Variants in LRMDA observed in about 807,000 individuals in gnomAD.
LRMDA encodes leucine rich melanocyte differentiation associated.
A neutral mutation model predicts 29.8 loss-of-function variants in LRMDA; 18 were observed. The observed-to-expected ratio is 0.60, with a 90% CI of 0.42 to 0.90. The LOEUF (loss-of-function observed/expected upper bound fraction) is 0.90. Among genes scored for constraint, LRMDA ranks in the 40% least tolerant of loss-of-function variants. LRMDA has a pLI of 0.00. For missense variants in LRMDA, 273 were observed against 273.9 expected (o/e 1.00, Z 0.02); for synonymous variants, 125 against 109.4 (o/e 1.14, Z -0.89).
intron 2 of LRMDA, among the ~76,000 whole-genome samples, chr10:75,631,303 A>G (rs915889958): frequency 4.6e-5 from 7 of 152,004 alleles, no homozygotes; most frequent in Non-Finnish European, 7.4e-5. Context: ...CACTGCAGCC[A>G]CCTGGAGAAA....
At chr10:75,892,690 C>G (rs376704828) in intron 2 of LRMDA, among the ~76,000 whole-genome samples, 1 of 152,172 alleles carries the variant, frequency 6.6e-6, no homozygotes, top group Non-Finnish European at 1.5e-5. Context: ...GCCTCTGGCA[C>G]CTGTGGCTGG....
Position 75,909,397 on chromosome 10 carries a change from C to T in LRMDA, c.132-126611C>T, listed in dbSNP as rs1305112688. Among the ~76,000 whole-genome samples, 6 of 152,304 alleles carry T rather than the reference C, an allele frequency of 3.9e-5. No individual in the cohort carries two copies. In the East Asian group the frequency reaches 7.7e-4, roughly 20 times the overall value. On this transcript the variant is annotated intron_variant, in intron 2 of 6. Coordinates refer to ENST00000611255, the MANE Select transcript of LRMDA (RefSeq NM_001305581.2). The stretch of plus-strand genomic sequence containing the variant: ...GAGCCTCTAGGCTCATGGAACCTCT[C>T]TCTGCATCCTCTTGGCCTGCTCTGA...
intron 2 of LRMDA, among the ~76,000 whole-genome samples, chr10:75,809,361 G>T (rs2132269748): frequency 6.6e-6 from 1 of 152,218 alleles, no homozygotes; most frequent in South Asian, 2.1e-4. Flanking sequence ...AAGCAGACAT[G>T]GGCCAGGTGC....
At chr10:76,408,561 A>G (rs575887820) in intron 6 of LRMDA, among the ~76,000 whole-genome samples, 3 of 152,338 alleles carry the variant, frequency 2.0e-5, no homozygotes, top group African/African-American at 7.2e-5. Context: ...GTGCCAGGGC[A>G]GAGATTGCTC....
intron 6 of LRMDA, among the ~76,000 whole-genome samples, chr10:76,360,285 G>A (rs1288739288): frequency 6.6e-6 from 1 of 152,158 alleles, no homozygotes; most frequent in Admixed American, 6.5e-5. Flanking sequence ...ACCATGCCCA[G>A]CCCTAGTGGC....
At chr10:75,453,110 C>T (rs1035825299) in intron 2 of LRMDA, among the ~76,000 whole-genome samples, 1 of 152,114 alleles carries the variant, frequency 6.6e-6, no homozygotes, top group African/African-American at 2.4e-5. Context: ...TCAGATGAGT[C>T]ATATATGCAG....
intron 2 of LRMDA, among the ~76,000 whole-genome samples, chr10:75,821,907 A>G (rs1373340420): frequency 2.6e-5 from 4 of 152,198 alleles, no homozygotes; most frequent in East Asian, 1.9e-4. Context: ...AGTTGAAAGC[A>G]TTCCTTCTAA....
chr10:75,883,366 G>A (rs555706210), intron 2 of LRMDA: 17 of 152,268 alleles, frequency 1.1e-4, no homozygotes, highest in African/African-American at 4.1e-4. Context: ...CAGGCTCTGG[G>A]TTAACATCTT....
At chr10:75,707,234 G>A (rs986856458) in intron 2 of LRMDA, among the ~76,000 whole-genome samples, 9 of 152,184 alleles carry the variant, frequency 5.9e-5, no homozygotes, top group African/African-American at 2.2e-4. Flanking sequence ...AGGCAGTGGA[G>A]GAACTAAGAT....
intron 2 of LRMDA, among the ~76,000 whole-genome samples, chr10:75,733,420 A>C (rs1842723171): frequency 6.6e-6 from 1 of 152,228 alleles, no homozygotes; most frequent in African/African-American, 2.4e-5. Context: ...CATATTTGTC[A>C]TGCTTATCTG....
chr10:75,555,530 A>T (rs1229642902), intron 2 of LRMDA, among the ~76,000 whole-genome samples: 1 of 152,176 alleles, frequency 6.6e-6, no homozygotes, highest in Non-Finnish European at 1.5e-5. Flanking sequence ...CACTGGCTAG[A>T]TAAGGCTGAA....
chr10:76,306,422 TG>T (rs1297149157), intron 5 of LRMDA, among the ~76,000 whole-genome samples: 1 of 152,150 alleles, frequency 6.6e-6, no homozygotes, highest in Non-Finnish European at 1.5e-5. Context: ...TTGGGTCTCT[TG>T]GGGGAAATGA....
intron 5 of LRMDA, among the ~76,000 whole-genome samples, chr10:76,149,360 G>A (rs1287544423): frequency 6.6e-6 from 1 of 152,216 alleles, no homozygotes; most frequent in Non-Finnish European, 1.5e-5. Flanking sequence ...GTCAGTGCCT[G>A]GTCCTAGCTC....
At chr10:75,692,464 CACACAT>C (rs1257512304) in intron 2 of LRMDA, among the ~76,000 whole-genome samples, 5 of 149,940 alleles carry the variant, frequency 3.3e-5, no homozygotes, top group East Asian at 2.0e-4. Flanking sequence ...CAAGTGTATA[CACACAT>C]ACACATACAC....
chr10:75,877,102 T>C (rs1289340979), intron 2 of LRMDA, among the ~76,000 whole-genome samples: 5 of 152,204 alleles, frequency 3.3e-5, no homozygotes, highest in African/African-American at 1.2e-4. Context: ...TTTCCCAGAG[T>C]GGTAGAGTTG....
Position 75,561,698 on chromosome 10 carries a change from T to G in LRMDA, c.131+123204T>G, listed in dbSNP as rs1840297626. ...TATAAATTTCCCTCTACACACTGCT[T>G]TGAATGTGTCCCAGAGATTCTGATA... On this transcript the variant is annotated intron_variant, in intron 2 of 6. Transcript: ENST00000611255. Among the ~76,000 whole-genome samples, 14 of 152,066 alleles carry G rather than the reference T, an allele frequency of 9.2e-5. No individual in the cohort carries two copies. In the South Asian group the frequency reaches 2.9e-3, roughly 32 times the overall value.
intron 5 of LRMDA, among the ~76,000 whole-genome samples, chr10:76,169,639 C>A (rs1478628359): frequency 6.6e-6 from 1 of 152,010 alleles, no homozygotes; most frequent in Admixed American, 6.5e-5. Flanking sequence ...TGTAATAAGC[C>A]CATAGTGGAG....
chr10:75,541,893 T>C (rs1274811427), intron 2 of LRMDA, among the ~76,000 whole-genome samples: 1 of 152,158 alleles, frequency 6.6e-6, no homozygotes, highest in Non-Finnish European at 1.5e-5. Flanking sequence ...CACCTCTCTC[T>C]CCCCAAGCCA....
At chr10:76,139,313 T>G (rs1850154740) in intron 5 of LRMDA, among the ~76,000 whole-genome samples, 1 of 152,218 alleles carries the variant, frequency 6.6e-6, no homozygotes, top group Non-Finnish European at 1.5e-5. Context: ...ATTTATTATA[T>G]TAATACTTCA....
Sources: gnomAD v4.1 joint callset for allele counts (sites outside exome capture counted in the v4.1 genomes callset) on GRCh38, gnomAD v4.1.1 for gene constraint, MANE v1.5 for transcripts, NCBI Gene and HGNC (gene_info 2026-07-23, HGNC 2026-07-21) for gene names.